PRKN: variants seen among roughly 807,000 people sequenced by gnomAD.
PRKN encodes the protein E3 ubiquitin-protein ligase parkin.
In PRKN, 56 loss-of-function variants were observed where a neutral mutation model predicts 59.5. The ratio of observed to expected loss-of-function variants is 0.94; its 90% CI spans 0.76 to 1.18. The LOEUF is 1.18. PRKN is among the 50% of genes most tolerant of loss of function. The probability of loss-of-function intolerance (pLI) is 0.00; values close to 1 mark genes in which losing one functional copy is unlikely to be tolerated. For missense variants in PRKN, 657 were observed against 596.4 expected (o/e 1.10, Z -1.06); for synonymous variants, 250 against 222.1 (o/e 1.13, Z -1.12).
At chr6:162,612,742 T>TA (rs111343575) in intron 1 of PRKN, among the ~76,000 whole-genome samples, 3,140 of 152,196 alleles carry the variant, frequency 0.021, 115 homozygotes, top group African/African-American at 0.07. Context: ...TCCCCAGAGT[T>TA]ACGCTTTCCA....
chr6:162,682,852 G>A (rs952514417), intron 1 of PRKN, among the ~76,000 whole-genome samples: 1 of 152,128 alleles, frequency 6.6e-6, no homozygotes, highest in African/African-American at 2.4e-5. Flanking sequence ...AGACCATTAT[G>A]TAGGTAATAA....
At chr6:162,024,624 T>G (rs1040300316) in intron 5 of PRKN, among the ~76,000 whole-genome samples, 1 of 152,228 alleles carries the variant, frequency 6.6e-6, no homozygotes, top group Admixed American at 6.5e-5. Context: ...ATATTACTTT[T>G]TGTGTGTAAG....
chr6:162,691,832 T>C (rs1777784998), intron 1 of PRKN, among the ~76,000 whole-genome samples: 2 of 152,170 alleles, frequency 1.3e-5, no homozygotes, highest in Admixed American at 1.3e-4. Context: ...GGAAGACATC[T>C]CTCTCTTACT....
chr6:162,411,081 T>C (rs1677024223), intron 2 of PRKN, among the ~76,000 whole-genome samples: 1 of 152,208 alleles, frequency 6.6e-6, no homozygotes, highest in African/African-American at 2.4e-5. Context: ...TACAGCGACA[T>C]GTTATTTTAA....
At chr6:162,224,600 T>A (rs1297590746) in intron 3 of PRKN, among the ~76,000 whole-genome samples, 1 of 152,158 alleles carries the variant, frequency 6.6e-6, no homozygotes, top group Non-Finnish European at 1.5e-5. Context: ...TCATTTATAC[T>A]TTCCCAGTTG....
intron 9 of PRKN, among the ~76,000 whole-genome samples, chr6:161,539,470 G>A (rs566320045): frequency 1.1e-4 from 16 of 149,700 alleles, no homozygotes; most frequent in African/African-American, 3.6e-4. Flanking sequence ...CTGTGCCCTC[G>A]GTCTCTGCCA....
At chr6:162,535,501 G>A (rs1441440802) in intron 1 of PRKN, among the ~76,000 whole-genome samples, 2 of 151,850 alleles carry the variant, frequency 1.3e-5, no homozygotes, top group Admixed American at 6.6e-5. Context: ...TGAATAGATG[G>A]TGTGTGTGTG....
intron 1 of PRKN, among the ~76,000 whole-genome samples, chr6:162,686,914 T>A (rs1013619796): frequency 3.3e-5 from 5 of 152,226 alleles, no homozygotes; most frequent in African/African-American, 9.6e-5. Context: ...TTTTAGTTAC[T>A]GTAGTCTTAC....
At chr6:161,481,110 G>A (rs1791372654) in intron 9 of PRKN, among the ~76,000 whole-genome samples, 1 of 152,138 alleles carries the variant, frequency 6.6e-6, no homozygotes, top group African/African-American at 2.4e-5. Context: ...GTTTTGAACT[G>A]AAAATATTAC....
chr6:161,824,495 A>G (rs1438098962), intron 6 of PRKN, among the ~76,000 whole-genome samples: 2 of 152,236 alleles, frequency 1.3e-5, no homozygotes, highest in Non-Finnish European at 1.5e-5. Context: ...AATAAATACT[A>G]CAGTGAATAT....
intron 1 of PRKN, among the ~76,000 whole-genome samples, chr6:162,634,573 A>AC (rs1777637629): frequency 1.3e-5 from 2 of 152,134 alleles, no homozygotes; most frequent in East Asian, 3.9e-4. Context: ...AGCTTGTATC[A>AC]CCAGCCACTA....
At chr6:162,573,045 A>G (rs1780414199) in intron 1 of PRKN, among the ~76,000 whole-genome samples, 1 of 152,198 alleles carries the variant, frequency 6.6e-6, no homozygotes, top group Non-Finnish European at 1.5e-5. Flanking sequence ...TGTCCTTTAA[A>G]TGCCCACATT....
chr6:161,800,158 G>A (rs1791019476), intron 6 of PRKN, among the ~76,000 whole-genome samples: 1 of 152,134 alleles, frequency 6.6e-6, no homozygotes, highest in South Asian at 2.1e-4. Context: ...ACAAAGGAAG[G>A]GAGATGCATG....
intron 7 of PRKN, among the ~76,000 whole-genome samples, chr6:161,772,943 C>T (rs182227862): frequency 3.4e-4 from 52 of 152,210 alleles, no homozygotes; most frequent in Non-Finnish European, 5.9e-5. Context: ...TTTGGCAAAA[C>T]CTTTCAAGCA....
chr6:161,415,714 C>T (rs1173928423), intron 9 of PRKN, among the ~76,000 whole-genome samples: 1 of 151,196 alleles, frequency 6.6e-6, no homozygotes, highest in Non-Finnish European at 1.5e-5. Context: ...CCCTCCTGAG[C>T]TTCGTCCCAG....
At chr6:162,581,122 T>C (rs373124533) in intron 1 of PRKN, among the ~76,000 whole-genome samples, 2 of 152,066 alleles carry the variant, frequency 1.3e-5, no homozygotes, top group East Asian at 1.9e-4. Context: ...AATAAAAAGA[T>C]TAAACGTATT....
At position 161,458,749 on chromosome 6, in the gene PRKN, C is replaced by T. The variant is rs1377820194; in HGVS notation, c.1084-71872G>A. ...ACAGTAACTCCATGTCTGTGGAATT[C>T]TGTAGTCTGCATGTGTTAGGCTGTG... On this transcript the variant is annotated intron_variant, in intron 9 of 11. Transcript: ENST00000366898. This position sits in a 1 kb window ranked among gnomAD's most constrained non-coding sequence, Gnocchi z 6.1. 2.0e-5 allele frequency among the ~76,000 whole-genome samples: 3 copies of T among 152,136 alleles called. No individual in the cohort carries two copies. Among genetic ancestry groups the T allele is most frequent in the Non-Finnish European group, 2.9e-5 (2 of 68,020 alleles).
At chr6:161,692,684 C>A (rs1436732828) in intron 7 of PRKN, among the ~76,000 whole-genome samples, 1 of 152,128 alleles carries the variant, frequency 6.6e-6, no homozygotes, top group African/African-American at 2.4e-5. Context: ...GGGGGCGGAT[C>A]ATTTGAGGTC....
chr6:162,520,822 T>C (rs1356999934), intron 1 of PRKN, among the ~76,000 whole-genome samples: 1 of 152,042 alleles, frequency 6.6e-6, no homozygotes, highest in Non-Finnish European at 1.5e-5. Flanking sequence ...ATTAAGAGTG[T>C]CAGAATTATT....
Sources: allele counts gnomAD v4.1 joint callset (sites outside exome capture counted in the v4.1 genomes callset), GRCh38; gene constraint gnomAD v4.1.1; non-coding constraint Gnocchi (gnomAD v3.1); transcripts MANE v1.5; gene names NCBI Gene and HGNC (gene_info 2026-07-23, HGNC 2026-07-21).